CTXND2: variants seen among roughly 807,000 people sequenced by gnomAD.
The protein encoded by CTXND2 is cortexin domain containing 2.
At chr1:150,905,558 C>T (rs1217923989) in intron 1 of CTXND2, among the ~76,000 whole-genome samples, 1 of 152,154 alleles carries the variant, frequency 6.6e-6, no homozygotes, top group Non-Finnish European at 1.5e-5. Flanking sequence ...GTGGTCAAGT[C>T]TTATTGAAGG....
chr1:150,898,901 C>A (rs1327205838), intron 1 of CTXND2, among the ~76,000 whole-genome samples: 1 of 145,086 alleles, frequency 6.9e-6, no homozygotes, highest in Non-Finnish European at 1.5e-5. Context: ...CACAGTGAAA[C>A]CCTGTCTCTA....
rs376825572 is a variant in CTXND2 at position 150,887,623 on chromosome 1, C to G, written c.-74+310C>G. On this transcript the variant is annotated intron_variant, in intron 1 of 1. Coordinates refer to ENST00000636087, the Ensembl canonical transcript of CTXND2. ...AGAAGGGATGTCTTGAGCATAGTCTCTTTTTGAGGAAAGTTGGGGGGACCT... is the reference window on the plus strand; with the variant it reads ...AGAAGGGATGTCTTGAGCATAGTCTGTTTTTGAGGAAAGTTGGGGGGACCT... 1.1e-4 allele frequency among the ~76,000 whole-genome samples: 16 copies of G among 152,124 alleles called. No individual in the cohort carries two copies. In the South Asian group the frequency reaches 3.3e-3, roughly 32 times the overall value.
intron 1 of CTXND2, among the ~76,000 whole-genome samples, chr1:150,898,771 G>C (rs1031845516): frequency 8.0e-5 from 10 of 125,594 alleles, no homozygotes; most frequent in African/African-American, 2.9e-4. Context: ...AAAAAAAAAA[G>C]AAAGAAAGAA....
intron 1 of CTXND2, among the ~76,000 whole-genome samples, chr1:150,888,526 G>A (rs2102592278): frequency 6.6e-6 from 1 of 151,698 alleles, no homozygotes; most frequent in South Asian, 2.1e-4. Context: ...CCCTAATTTT[G>A]TATTTTAAAT....
intron 1 of CTXND2, among the ~76,000 whole-genome samples, chr1:150,908,189 G>A (rs755686477): frequency 1.3e-4 from 19 of 151,710 alleles, no homozygotes; most frequent in Non-Finnish European, 2.5e-4. Context: ...TTTCTGTAGA[G>A]AGGAAGGTTT....
chr1:150,910,026 C>T (rs1367386186), intron 1 of CTXND2, among the ~76,000 whole-genome samples: 1 of 151,916 alleles, frequency 6.6e-6, no homozygotes, highest in Non-Finnish European at 1.5e-5. Flanking sequence ...TTTTGAGAGG[C>T]CTGGTGGCCC....
At chr1:150,891,985 T>TTAAAATTATAC in intron 1 of CTXND2, among the ~76,000 whole-genome samples, 1 of 152,296 alleles carries the variant, frequency 6.6e-6, no homozygotes, top group African/African-American at 2.4e-5. Context: ...GACAGTTTAC[T>TTAAAATTATAC]TAGTATAAAA....
intron 1 of CTXND2, among the ~76,000 whole-genome samples, chr1:150,900,171 G>A (rs1409085761): frequency 6.6e-6 from 1 of 152,000 alleles, no homozygotes. Context: ...CAGTCTTTGG[G>A]TCTGCACTAC....
chr1:150,892,528 C>CTTTTTTTTTTTTTTTT (rs5777740), intron 1 of CTXND2, among the ~76,000 whole-genome samples: 2 of 123,350 alleles, frequency 1.6e-5, no homozygotes, highest in East Asian at 2.3e-4. Context: ...TCTTCTTCTT[C>CTTTTTTTTTTTTTTTT]TTTTTTTTTT....
At chr1:150,904,124 C>T in intron 1 of CTXND2, 7 of 661,352 alleles carry the variant, frequency 1.1e-5, no homozygotes, top group Middle Eastern at 2.9e-4. Flanking sequence ...GAAGTACATC[C>T]CTGGAACAAA....
At chr1:150,892,370 T>C (rs1428748311) in intron 1 of CTXND2, among the ~76,000 whole-genome samples, 3 of 152,148 alleles carry the variant, frequency 2.0e-5, no homozygotes. Context: ...CAAGTTTCTG[T>C]AAATGTGTGA....
chr1:150,900,698 ATATAT>A (rs2102598781), intron 1 of CTXND2, among the ~76,000 whole-genome samples: 1 of 152,280 alleles, frequency 6.6e-6, no homozygotes, highest in Non-Finnish European at 1.5e-5. Context: ...TATTTGCAAT[ATATAT>A]TATATATGAA....
intron 1 of CTXND2, among the ~76,000 whole-genome samples, chr1:150,900,117 G>C (rs1229017168): frequency 3.3e-5 from 5 of 152,164 alleles, no homozygotes; most frequent in Non-Finnish European, 7.3e-5. Context: ...CCACCGTGTG[G>C]AGGCTGTATT....
At chr1:150,889,558 T>C (rs905496610) in intron 1 of CTXND2, among the ~76,000 whole-genome samples, 2 of 152,038 alleles carry the variant, frequency 1.3e-5, no homozygotes, top group African/African-American at 4.8e-5. Context: ...AAATTCTCTT[T>C]CACAATCTCA....
intron 1 of CTXND2, chr1:150,904,159 G>A: frequency 1.5e-6 from 1 of 648,004 alleles, no homozygotes; most frequent in Non-Finnish European, 2.9e-6. Flanking sequence ...GCATTAAAAA[G>A]AAGGCAGAAA....
At chr1:150,890,691 C>T (rs1342887334) in intron 1 of CTXND2, among the ~76,000 whole-genome samples, 1 of 151,874 alleles carries the variant, frequency 6.6e-6, no homozygotes, top group Non-Finnish European at 1.5e-5. Context: ...TTAGTAGAGA[C>T]GGGGTTTCTC....
intron 1 of CTXND2, among the ~76,000 whole-genome samples, chr1:150,900,724 C>T (rs961024957): frequency 9.9e-5 from 15 of 151,972 alleles, no homozygotes; most frequent in Non-Finnish European, 1.9e-4. Context: ...GGGGTAATAT[C>T]CCTAGTGTAT....
intron 1 of CTXND2, among the ~76,000 whole-genome samples, chr1:150,907,806 T>C (rs1289628749): frequency 6.7e-6 from 1 of 149,388 alleles, no homozygotes; most frequent in Admixed American, 6.8e-5. Flanking sequence ...GCCTCCCAGG[T>C]TCACGCCATT....
At chr1:150,905,605 A>G (rs1375892593) in intron 1 of CTXND2, among the ~76,000 whole-genome samples, 1 of 149,300 alleles carries the variant, frequency 6.7e-6, no homozygotes, top group East Asian at 1.9e-4. Context: ...AGCTGCAACA[A>G]TTAGAGCCAG....
Sources: gnomAD v4.1 joint callset for allele counts (sites outside exome capture counted in the v4.1 genomes callset) on GRCh38, gnomAD v4.1.1 for gene constraint, MANE v1.5 for transcripts, NCBI Gene and HGNC (gene_info 2026-07-23, HGNC 2026-07-21) for gene names.